ZNF695: variants seen among roughly 807,000 people sequenced by gnomAD.
ZNF695 encodes the protein zinc finger protein SBZF3.
A neutral mutation model predicts 11.2 loss-of-function variants in ZNF695; 11 were observed. That is an observed-to-expected ratio of 0.98 (90% CI 0.62 to 1.62). The LOEUF is 1.62. ZNF695 is among the 40% of genes most tolerant of loss of function. The pLI is 0.00. For missense variants in ZNF695, 559 were observed against 590.5 expected, an observed-to-expected ratio of 0.95 and a Z score of 0.55; for synonymous variants, 190 against 201.4, an observed-to-expected ratio of 0.94 and a Z score of 0.48.
At chr1:246,955,504 C>T (rs151320641) in intron 5 of ZNF695, among the ~76,000 whole-genome samples, 286 of 152,202 alleles carry the variant, frequency 1.9e-3, no homozygotes, top group Non-Finnish European at 3.1e-3. Context: ...GAAGCTCTCC[C>T]GCAGTGTTCT....
intron 3 of ZNF695, among the ~76,000 whole-genome samples, chr1:246,993,627 G>T (rs1352677345): frequency 6.6e-6 from 1 of 151,878 alleles, no homozygotes; most frequent in African/African-American, 2.4e-5. Context: ...GGTACTTAAC[G>T]CCCCAAAAAG....
downstream of ZNF695, among the ~76,000 whole-genome samples, chr1:246,980,374 G>A (rs1012854543): frequency 6.7e-6 from 1 of 149,878 alleles, no homozygotes. Flanking sequence ...CCTTTTTAAA[G>A]CAGTAATGAA....
intron 5 of ZNF695, among the ~76,000 whole-genome samples, chr1:246,949,818 CT>C (rs1425061677): frequency 3.9e-5 from 6 of 152,040 alleles, no homozygotes; most frequent in Non-Finnish European, 5.9e-5. Context: ...AGACTAATTA[CT>C]TTTCTTTTAT....
At chr1:246,964,428 C>A (rs1250805302) in intron 5 of ZNF695, among the ~76,000 whole-genome samples, 1 of 152,126 alleles carries the variant, frequency 6.6e-6, no homozygotes, top group Non-Finnish European at 1.5e-5. Context: ...TGTCAGGAAC[C>A]AAGATCAAAG....
chr1:246,967,399 G>A (rs1201417573), intron 5 of ZNF695: 2 of 456,366 alleles, frequency 4.4e-6, no homozygotes, highest in Non-Finnish European at 8.8e-6. Context: ...CAGTAGAGGT[G>A]GCAAGACATA....
chr1:246,999,264 G>A (rs1669294591), intron 3 of ZNF695, 84 bp downstream of exon 3: 4 of 1,135,626 alleles, frequency 3.5e-6, no homozygotes, highest in Non-Finnish European at 5.3e-6. Flanking sequence ...TGGGAGTAGA[G>A]CTTCCCAAAC....
At chr1:247,001,621 G>A (rs1267620547) in intron 1 of ZNF695, among the ~76,000 whole-genome samples, 6 of 147,132 alleles carry the variant, frequency 4.1e-5, no homozygotes, top group African/African-American at 1.0e-4. Flanking sequence ...GCTGAGGCAC[G>A]AGAATCACTT....
chr1:246,958,288 G>C (rs1668059243), intron 5 of ZNF695, among the ~76,000 whole-genome samples: 1 of 151,956 alleles, frequency 6.6e-6, no homozygotes, highest in Non-Finnish European at 1.5e-5. Flanking sequence ...TTGATCTCCT[G>C]ACCTCGTGAT....
At chr1:246,989,089 G>A (rs1298908914) in intron 3 of ZNF695, among the ~76,000 whole-genome samples, 3 of 124,722 alleles carry the variant, frequency 2.4e-5, no homozygotes, top group South Asian at 2.8e-4. Flanking sequence ...GCGAGACTCC[G>A]TCTCAGAAAA....
At chr1:246,958,272 A>G (rs1668057159) in intron 5 of ZNF695, among the ~76,000 whole-genome samples, 2 of 151,752 alleles carry the variant, frequency 1.3e-5, no homozygotes. Flanking sequence ...GTTAGCCAGG[A>G]TGTTCTTGAT....
chr1:246,990,949 G>T (rs1458172278), intron 3 of ZNF695, among the ~76,000 whole-genome samples: 1 of 152,042 alleles, frequency 6.6e-6, no homozygotes, highest in African/African-American at 2.4e-5. Flanking sequence ...ATGGGATACA[G>T]CAAAAGCAGT....
At chr1:246,953,944 CAA>C (rs887310149) in intron 5 of ZNF695, among the ~76,000 whole-genome samples, 61 of 64,632 alleles carry the variant, frequency 9.4e-4, no homozygotes, top group Non-Finnish European at 1.1e-3. Flanking sequence ...AACAAACAAG[CAA>C]AAAAAAAAAA....
At chr1:246,958,000 T>C (rs935642318) in intron 5 of ZNF695, among the ~76,000 whole-genome samples, 2 of 152,166 alleles carry the variant, frequency 1.3e-5, no homozygotes, top group Non-Finnish European at 2.9e-5. Context: ...GTTGGATCTA[T>C]GTTTCTTCTC....
intron 5 of ZNF695, among the ~76,000 whole-genome samples, chr1:246,953,732 G>C (rs965109584): frequency 6.6e-6 from 1 of 151,980 alleles, no homozygotes; most frequent in African/African-American, 2.4e-5. Context: ...AAACCAGCCT[G>C]ACCAACGTGG....
intron 3 of ZNF695, chr1:246,996,074 G>C: frequency 2.2e-6 from 1 of 448,772 alleles, no homozygotes. Context: ...GGCTGGCAGT[G>C]GTGGCCCGTG....
rs140695777 is a variant in ZNF695, at chr1:246,977,413, T to C, written c.391-9621A>G. Among the ~76,000 whole-genome samples, 880 of 152,356 alleles carry C rather than the reference T, an allele frequency of 5.8e-3. 10 individuals are homozygous for C. The highest frequency in any genetic ancestry group is 0.02 in the African/African-American group (821 of 41,588). On this transcript the variant is annotated intron_variant, in intron 4 of 5. Coordinates refer to the ZNF695 transcript ENST00000487338. ...CTGAGACTACGGGTGCCCGCCACCA[T>C]ACCTGGCTAATTTTTGTTGTTTTTA...
At chr1:246,997,504 AG>A (rs1485875912) in intron 3 of ZNF695, among the ~76,000 whole-genome samples, 7 of 151,802 alleles carry the variant, frequency 4.6e-5, no homozygotes, top group Non-Finnish European at 7.4e-5. Flanking sequence ...CTCTGTCTCA[AG>A]AAAAAAAAAA....
At chr1:246,982,743 C>T (rs542045978), downstream of ZNF695, among the ~76,000 whole-genome samples, 5 of 151,916 alleles carry the variant, frequency 3.3e-5, no homozygotes, top group South Asian at 6.2e-4. Flanking sequence ...GAGGCCGAGG[C>T]GGGCAGATTA....
At chr1:246,997,521 A>G (rs932300309) in intron 3 of ZNF695, among the ~76,000 whole-genome samples, 21 of 152,058 alleles carry the variant, frequency 1.4e-4, no homozygotes, top group African/African-American at 4.8e-4. Flanking sequence ...AAAAAAAGAA[A>G]AAAGAACTAC....
Sources: allele counts gnomAD v4.1 joint callset (sites outside exome capture counted in the v4.1 genomes callset), GRCh38; gene constraint gnomAD v4.1.1; transcripts MANE v1.5; gene names NCBI Gene and HGNC (gene_info 2026-07-23, HGNC 2026-07-21).